The following CNTN5 variants were observed in gnomAD, a reference collection of about 807,000 sequenced individuals.
CNTN5 encodes the protein contactin 5, also known as contactin-5.
A neutral mutation model predicts 129.1 loss-of-function variants in CNTN5; 77 were observed. The observed-to-expected ratio is 0.60, with a 90% CI of 0.50 to 0.72. CNTN5 has a LOEUF of 0.72. Among genes scored for constraint, CNTN5 ranks in the 30% least tolerant of loss-of-function variants. The probability of loss-of-function intolerance (pLI) is 0.00; values close to 1 mark genes in which losing one functional copy is unlikely to be tolerated. For synonymous variants in CNTN5, 509 were observed against 465.6 expected (o/e 1.09, Z -1.20); for missense variants, 1,478 against 1,328.8 (o/e 1.11, Z -1.75).
At chr11:100,136,532 G>GT (rs926511920) in intron 13 of CNTN5, among the ~76,000 whole-genome samples, 1 of 151,814 alleles carries the variant, frequency 6.6e-6, no homozygotes, top group African/African-American at 2.4e-5. Flanking sequence ...ATTTATTTTA[G>GT]TTTTTTGTAA....
chr11:99,366,974 G>A (rs1385131917), intron 2 of CNTN5, among the ~76,000 whole-genome samples: 8 of 152,244 alleles, frequency 5.3e-5, no homozygotes, highest in Non-Finnish European at 7.4e-5. Flanking sequence ...AGGGCTCATC[G>A]TAAGCTGGGG....
chr11:99,916,511 C>A (rs572661586), intron 7 of CNTN5, among the ~76,000 whole-genome samples: 3 of 152,056 alleles, frequency 2.0e-5, no homozygotes, highest in Admixed American at 1.3e-4. Context: ...TACCAATATG[C>A]GTCTTGTTTC....
At chr11:99,163,691 T>A (rs1860730691) in intron 1 of CNTN5, among the ~76,000 whole-genome samples, 1 of 152,182 alleles carries the variant, frequency 6.6e-6, no homozygotes, top group Non-Finnish European at 1.5e-5. Flanking sequence ...TAGAGAATCA[T>A]GGCAGTTTCA....
intron 2 of CNTN5, among the ~76,000 whole-genome samples, chr11:99,513,475 C>A (rs1946920967): frequency 6.6e-6 from 1 of 152,082 alleles, no homozygotes; most frequent in South Asian, 2.1e-4. Flanking sequence ...ACTTTCATAG[C>A]TAGAGAGTAG....
chr11:99,873,464 C>A (rs949133200), intron 6 of CNTN5, among the ~76,000 whole-genome samples: 1 of 152,044 alleles, frequency 6.6e-6, no homozygotes, highest in African/African-American at 2.4e-5. Context: ...TAATAAAATT[C>A]TCAATATCAC....
At chr11:99,751,779 G>A (rs1195321629) in intron 3 of CNTN5, among the ~76,000 whole-genome samples, 1 of 152,162 alleles carries the variant, frequency 6.6e-6, no homozygotes, top group Non-Finnish European at 1.5e-5. Context: ...CAAACTTCAT[G>A]TTGAAACATA....
chr11:100,033,169 C>T (rs17094178), intron 9 of CNTN5, among the ~76,000 whole-genome samples: 23,423 of 151,916 alleles, frequency 0.15, 1,806 homozygotes, highest in Non-Finnish European at 0.16. Context: ...TGTAATGAGC[C>T]CAGACGTGCA....
At chr11:100,321,148 T>C (rs1951684514) in intron 21 of CNTN5, among the ~76,000 whole-genome samples, 1 of 152,116 alleles carries the variant, frequency 6.6e-6, no homozygotes, top group African/African-American at 2.4e-5. Flanking sequence ...TTAGATACTA[T>C]GGACATTTTA....
At chr11:99,189,290 C>T (rs950520721) in intron 1 of CNTN5, among the ~76,000 whole-genome samples, 2 of 151,374 alleles carry the variant, frequency 1.3e-5, no homozygotes, top group Non-Finnish European at 3.0e-5. Context: ...GTTTATTTAT[C>T]GTTTGATAGA....
At chr11:99,362,905 G>GT (rs34443170) in intron 2 of CNTN5, among the ~76,000 whole-genome samples, 34,320 of 151,940 alleles carry the variant, frequency 0.23, 3,981 homozygotes, top group South Asian at 0.35. Context: ...GTGCCACACT[G>GT]TTTTTATTAC....
intron 1 of CNTN5, among the ~76,000 whole-genome samples, chr11:99,257,963 G>T (rs1037154009): frequency 6.6e-6 from 1 of 151,980 alleles, no homozygotes; most frequent in African/African-American, 2.4e-5. Context: ...CTCACCAAAG[G>T]TCCCACAGGG....
At chr11:99,696,142 T>C (rs1481107783) in intron 3 of CNTN5, among the ~76,000 whole-genome samples, 1 of 152,096 alleles carries the variant, frequency 6.6e-6, no homozygotes, top group African/African-American at 2.4e-5. Flanking sequence ...CTGAATCCAA[T>C]ATTTTCTTTA....
intron 1 of CNTN5, among the ~76,000 whole-genome samples, chr11:99,103,720 C>A (rs148454794): frequency 8.1e-4 from 122 of 149,900 alleles, no homozygotes; most frequent in African/African-American, 2.9e-3. Flanking sequence ...TCAGATCTTT[C>A]TTGTTTAACC....
chr11:99,870,659 T>A (rs755930199), intron 6 of CNTN5, among the ~76,000 whole-genome samples: 12 of 152,236 alleles, frequency 7.9e-5, no homozygotes, highest in Admixed American at 2.0e-4. Context: ...ACATTTAAAA[T>A]AGCAATGTTT....
rs1252733111 is a variant in CNTN5 at position 99,837,036 on chromosome 11, T to A, written c.278-7816T>A. 2.6e-5 allele frequency among the ~76,000 whole-genome samples: 4 copies of A among 152,140 alleles called. No homozygotes were observed. The East Asian group carries it at 7.7e-4, about 29-fold the overall frequency. On this transcript the variant is annotated intron_variant, in intron 4 of 24. Transcript: ENST00000524871. ...CTGGCTGCTTTACTTTAGCCTGTTT[T>A]ATCAGCAAGGTCTTTATGACTTGTA...
At chr11:100,002,539 A>G (rs1001812459) in intron 9 of CNTN5, among the ~76,000 whole-genome samples, 2 of 152,170 alleles carry the variant, frequency 1.3e-5, no homozygotes, top group African/African-American at 4.8e-5. Context: ...GACAGCAGAT[A>G]AAAATCATGA....
chr11:100,332,287 A>T (rs1951920456), intron 21 of CNTN5, among the ~76,000 whole-genome samples: 1 of 152,044 alleles, frequency 6.6e-6, no homozygotes. Context: ...TAAACCAAGA[A>T]ATATAGAACG....
At chr11:99,643,897 A>G (rs548776766) in intron 3 of CNTN5, among the ~76,000 whole-genome samples, 4 of 152,322 alleles carry the variant, frequency 2.6e-5, no homozygotes, top group East Asian at 3.9e-4. Context: ...TTGAAACAAT[A>G]TATGTGGCTT....
At chr11:100,115,180 G>A (rs1299697698) in intron 13 of CNTN5, among the ~76,000 whole-genome samples, 3 of 150,652 alleles carry the variant, frequency 2.0e-5, no homozygotes, top group Non-Finnish European at 4.4e-5. Context: ...GCATAAACCT[G>A]GTTGCATCTT....
Sources: allele counts gnomAD v4.1 joint callset (sites outside exome capture counted in the v4.1 genomes callset), GRCh38; gene constraint gnomAD v4.1.1; transcripts MANE v1.5; gene names NCBI Gene and HGNC (gene_info 2026-07-23, HGNC 2026-07-21).